Variants in SPAG16 observed in about 807,000 individuals in gnomAD.
SPAG16 encodes sperm associated antigen 16.
SPAG16 carries 86 observed loss-of-function variants against 80.4 expected under a neutral mutation model. The observed-to-expected ratio is 1.07, with a 90% CI of 0.90 to 1.28. The LOEUF is 1.28. Among genes scored for constraint, SPAG16 ranks in the 50% most tolerant of loss-of-function variants. The pLI is 0.00. For missense variants in SPAG16, 870 were observed against 765.3 expected, an observed-to-expected ratio of 1.14 and a Z score of -1.61; for synonymous variants, 294 against 265.9, an observed-to-expected ratio of 1.11 and a Z score of -1.03.
At chr2:213,608,914 A>C (rs966706876) in intron 10 of SPAG16, among the ~76,000 whole-genome samples, 4 of 152,104 alleles carry the variant, frequency 2.6e-5, no homozygotes, top group Admixed American at 2.6e-4. Context: ...CGATCTCCTG[A>C]CCTTGTGATC....
At chr2:213,702,138 C>T (rs7589753) in intron 10 of SPAG16, among the ~76,000 whole-genome samples, 3,713 of 152,198 alleles carry the variant, frequency 0.024, 146 homozygotes, top group African/African-American at 0.083. Context: ...GCTTAGGGAT[C>T]GTAAACACTC....
chr2:213,386,027 C>A (rs1346582415), intron 9 of SPAG16, among the ~76,000 whole-genome samples: 1 of 152,104 alleles, frequency 6.6e-6, no homozygotes, highest in African/African-American at 2.4e-5. Flanking sequence ...ATAAAAATAA[C>A]ATGACAATTC....
chr2:214,377,265 C>A (rs1273227250), intron 15 of SPAG16, among the ~76,000 whole-genome samples: 1 of 152,132 alleles, frequency 6.6e-6, no homozygotes, highest in Admixed American at 6.6e-5. Context: ...ATATCGTAAA[C>A]CTTAAATAAC....
At chr2:214,334,465 T>G (rs942317062) in intron 15 of SPAG16, among the ~76,000 whole-genome samples, 23 of 152,356 alleles carry the variant, frequency 1.5e-4, no homozygotes, top group African/African-American at 5.3e-4. Context: ...TTCAAGGTTC[T>G]GAATTTGGCA....
chr2:213,859,806 T>C (rs1007733231), intron 10 of SPAG16, among the ~76,000 whole-genome samples: 4 of 152,226 alleles, frequency 2.6e-5, no homozygotes, highest in African/African-American at 9.6e-5. Flanking sequence ...CTAAGTCATG[T>C]ATTTGATGAA....
At chr2:214,225,270 CT>C (rs368654078) in intron 15 of SPAG16, among the ~76,000 whole-genome samples, 1 of 151,890 alleles carries the variant, frequency 6.6e-6, no homozygotes, top group Non-Finnish European at 1.5e-5. Context: ...ATTTGGGGAC[CT>C]TTTTTTTCTT....
intron 10 of SPAG16, among the ~76,000 whole-genome samples, chr2:213,592,044 T>G (rs1295457197): frequency 6.6e-6 from 1 of 152,222 alleles, no homozygotes; most frequent in Non-Finnish European, 1.5e-5. Flanking sequence ...TTAAAATTCA[T>G]TGCTCTGTAT....
chr2:214,337,985 G>A (rs1697414048), intron 15 of SPAG16, among the ~76,000 whole-genome samples: 1 of 152,004 alleles, frequency 6.6e-6, no homozygotes, highest in Admixed American at 6.6e-5. Context: ...TGGTAGAGAT[G>A]ATGAGATATT....
chr2:213,603,724 T>A (rs989410194), intron 10 of SPAG16, among the ~76,000 whole-genome samples: 1 of 152,326 alleles, frequency 6.6e-6, no homozygotes, highest in Admixed American at 6.5e-5. Flanking sequence ...CAGTGCTATC[T>A]TATGATGTAT....
intron 15 of SPAG16, among the ~76,000 whole-genome samples, chr2:214,390,617 T>C (rs183543989): frequency 6.6e-6 from 1 of 152,210 alleles, no homozygotes; most frequent in Non-Finnish European, 1.5e-5. Context: ...ATTAGAACCA[T>C]AGTGGAGCAT....
At chr2:213,687,332 A>G (rs2064729793) in intron 10 of SPAG16, among the ~76,000 whole-genome samples, 1 of 152,184 alleles carries the variant, frequency 6.6e-6, no homozygotes, top group Admixed American at 6.5e-5. Flanking sequence ...TATCTTATGT[A>G]TTTACCCAAA....
At chr2:214,132,601 C>T (rs556011257) in intron 14 of SPAG16, among the ~76,000 whole-genome samples, 13 of 152,136 alleles carry the variant, frequency 8.5e-5, no homozygotes, top group African/African-American at 2.7e-4. Context: ...GTGTTGGAGC[C>T]AAGTTTTAAG....
At chr2:214,372,637 C>T (rs1208732644) in intron 15 of SPAG16, among the ~76,000 whole-genome samples, 1 of 152,188 alleles carries the variant, frequency 6.6e-6, no homozygotes, top group Non-Finnish European at 1.5e-5. Flanking sequence ...GAGAGGATTA[C>T]ATGGATTTCA....
At chr2:214,067,081 C>T (rs992862906) in intron 13 of SPAG16, among the ~76,000 whole-genome samples, 12 of 152,264 alleles carry the variant, frequency 7.9e-5, no homozygotes, top group Non-Finnish European at 1.2e-4. Flanking sequence ...TCAATTCCCA[C>T]GCTTTCCAGG....
chr2:213,535,422 G>A (rs548554485), intron 10 of SPAG16, among the ~76,000 whole-genome samples: 1 of 152,262 alleles, frequency 6.6e-6, no homozygotes, highest in African/African-American at 2.4e-5. Flanking sequence ...AACTTCTAGA[G>A]ACGGAAATCA....
intron 11 of SPAG16, among the ~76,000 whole-genome samples, chr2:213,912,349 A>G (rs1049927764): frequency 6.6e-6 from 1 of 152,188 alleles, no homozygotes; most frequent in African/African-American, 2.4e-5. Context: ...ACGTATCTAT[A>G]TTTAATTTTT....
intron 10 of SPAG16, among the ~76,000 whole-genome samples, chr2:213,812,188 T>C (rs2072202055): frequency 6.6e-6 from 1 of 152,068 alleles, no homozygotes; most frequent in East Asian, 1.9e-4. Flanking sequence ...ACTTAGGTGC[T>C]TGAAATCATG....
intron 10 of SPAG16, among the ~76,000 whole-genome samples, chr2:213,730,331 G>C (rs1162038839): frequency 6.6e-6 from 1 of 152,146 alleles, no homozygotes; most frequent in South Asian, 2.1e-4. Context: ...AGAAGTTTGG[G>C]ATCAAAATAC....
At chr2:213,677,645 T>A (rs2064154604) in intron 10 of SPAG16, among the ~76,000 whole-genome samples, 2 of 152,056 alleles carry the variant, frequency 1.3e-5, no homozygotes, top group Non-Finnish European at 2.9e-5. Context: ...ACAAAGAGAA[T>A]TAGACTCCCA....
Sources: allele counts gnomAD v4.1 joint callset (sites outside exome capture counted in the v4.1 genomes callset), GRCh38; gene constraint gnomAD v4.1.1; transcripts MANE v1.5; gene names NCBI Gene and HGNC (gene_info 2026-07-23, HGNC 2026-07-21).